DPP6: variants seen among roughly 807,000 people sequenced by gnomAD.
DPP6 encodes dipeptidyl peptidase like 6.
In DPP6, 69 loss-of-function variants were observed where a neutral mutation model predicts 122.6. That is an observed-to-expected ratio of 0.56 (90% CI 0.46 to 0.69). DPP6 has a LOEUF of 0.69. Among genes scored for constraint, DPP6 ranks in the 30% least tolerant of loss-of-function variants. The pLI is 0.00. For missense variants in DPP6, 928 were observed against 1,116.9 expected, an observed-to-expected ratio of 0.83 and a Z score of 2.41; for synonymous variants, 418 against 433.1, an observed-to-expected ratio of 0.97 and a Z score of 0.43.
intron 1 of DPP6, among the ~76,000 whole-genome samples, chr7:154,268,467 A>C (rs902011074): frequency 6.6e-6 from 1 of 152,142 alleles, no homozygotes; most frequent in African/African-American, 2.4e-5. Flanking sequence ...TCCCTCTGGG[A>C]TTTCCTTTAT....
chr7:154,769,718 G>T, intron 9 of DPP6, 147 bp downstream of exon 9: 1 of 1,165,866 alleles, frequency 8.6e-7, no homozygotes, highest in Non-Finnish European at 1.1e-6. Flanking sequence ...TCATTACATT[G>T]CATTACATTC....
chr7:153,804,075 A>G, the DPP6 span, among the ~76,000 whole-genome samples: 1 of 147,368 alleles, frequency 6.8e-6, no homozygotes, highest in Non-Finnish European at 1.5e-5. Flanking sequence ...TTTGAGACTG[A>G]GTCTTACTCT....
chr7:154,864,135 G>T (rs1803656906), intron 17 of DPP6, among the ~76,000 whole-genome samples: 1 of 152,204 alleles, frequency 6.6e-6, no homozygotes, highest in South Asian at 2.1e-4. Context: ...TTCTGCCTAA[G>T]CCTCTGCGTG....
intron 1 of DPP6, among the ~76,000 whole-genome samples, chr7:154,250,290 G>A (rs112942393): frequency 2.0e-5 from 3 of 152,074 alleles, no homozygotes; most frequent in African/African-American, 2.4e-5. Context: ...TCTGTGGCTC[G>A]TCCTGCTACA....
At chr7:154,779,681 T>C (rs958071728) in intron 10 of DPP6, among the ~76,000 whole-genome samples, 1 of 152,190 alleles carries the variant, frequency 6.6e-6, no homozygotes, top group Non-Finnish European at 1.5e-5. Context: ...TTCTTCCTGC[T>C]TTCCTCCCTC....
At chr7:154,455,113 C>T (rs1158596437) in intron 2 of DPP6, among the ~76,000 whole-genome samples, 2 of 152,192 alleles carry the variant, frequency 1.3e-5, no homozygotes, top group Non-Finnish European at 2.9e-5. Flanking sequence ...GTGACGGCTT[C>T]ATGCTTCACT....
intron 7 of DPP6, among the ~76,000 whole-genome samples, chr7:154,715,656 C>A (rs1841442721): frequency 6.6e-6 from 1 of 152,188 alleles, no homozygotes; most frequent in Non-Finnish European, 1.5e-5. Context: ...CCTCATCCAC[C>A]CACCTGATGA....
At chr7:154,545,466 CCCTCCCTT>C (rs1218680245) in intron 4 of DPP6, among the ~76,000 whole-genome samples, 3 of 137,512 alleles carry the variant, frequency 2.2e-5, no homozygotes, top group African/African-American at 5.4e-5. Context: ...CTCCCTCCCT[CCCTCCCTT>C]CCTTCCTTCC....
rs148378156 is a variant in DPP6, at chr7:154,343,649, C to T, written c.244-102565C>T. ...TGGCTGGAGTGCAATGGTGCGATCT[C>T]GGCTCACTGCACCCTCTGCCTCCTG... On this transcript the variant is annotated intron_variant, in intron 1 of 25. Transcript: ENST00000377770. 6.8e-3 allele frequency among the ~76,000 whole-genome samples: 1,042 copies of T among 152,330 alleles called. 8 individuals are homozygous for T. The highest frequency in any genetic ancestry group is 0.024 in the African/African-American group (978 of 41,570).
rs1833657442 is a variant in DPP6, at chr7:154,607,991, T to C, written c.628-29830T>C. On this transcript the variant is annotated intron_variant, in intron 5 of 25. Coordinates refer to ENST00000377770, the MANE Select transcript of DPP6 (RefSeq NM_130797.4). ...TAGTTTTTTCTTTTTTTTTTCTTTT[T>C]TTTTTTGAGACAGAGTCTCGCTCTG... is the stretch of plus-strand genomic sequence containing the variant. Among the ~76,000 whole-genome samples the C allele has an allele frequency of 3.7e-5, 4 of 108,576 alleles. 2 individuals carry two copies. In the South Asian group the frequency reaches 1.6e-3, roughly 43 times the overall value. 71.2% of individuals were successfully genotyped at this position (108,576 alleles called of 152,430 possible). A position where few individuals can be genotyped will look rare whatever the true frequency, so the allele number is the denominator to read the frequency against.
chr7:153,837,868 A>C, the DPP6 span, among the ~76,000 whole-genome samples: 4 of 66,632 alleles, frequency 6.0e-5, no homozygotes, highest in African/African-American at 2.1e-4. Flanking sequence ...TTTTTAGTAG[A>C]GATGGGGTTT....
chr7:154,879,356 G>A lies in DPP6; in HGVS notation c.2079-1532G>A, dbSNP rs1396400181. On this transcript the variant is annotated intron_variant, in intron 20 of 25. Transcript: ENST00000377770. ...AGCACTTTGGGAGGCCGAGGCGGGC[G>A]GATCACGAGGTCAGGAGATCGAGAC... Among the ~76,000 whole-genome samples, 7 of 136,550 alleles carry A rather than the reference G, an allele frequency of 5.1e-5. 2 individuals are homozygous for A. Among genetic ancestry groups the A allele is most frequent in the East Asian group, 3.3e-4 (1 of 3,066 alleles). 89.6% of individuals were successfully genotyped at this position (136,550 alleles called of 152,430 possible). A position where few individuals can be genotyped will look rare whatever the true frequency, so the allele number is the denominator to read the frequency against.
chr7:154,012,165 A>C (rs150614861), intron 1 of DPP6, among the ~76,000 whole-genome samples: 2 of 152,144 alleles, frequency 1.3e-5, no homozygotes, highest in Non-Finnish European at 2.9e-5. Flanking sequence ...CACATATTCA[A>C]TTTCTTTGTT....
intron 7 of DPP6, among the ~76,000 whole-genome samples, chr7:154,701,467 G>A (rs2131266086): frequency 6.6e-6 from 1 of 152,306 alleles, no homozygotes; most frequent in East Asian, 1.9e-4. Context: ...CTTATCCATA[G>A]GCATTTTAAT....
intron 1 of DPP6, among the ~76,000 whole-genome samples, chr7:154,090,544 T>G (rs1413052359): frequency 6.6e-6 from 1 of 152,142 alleles, no homozygotes; most frequent in Non-Finnish European, 1.5e-5. Context: ...ACAGACCCCT[T>G]GTGTATCAAA....
intron 5 of DPP6, among the ~76,000 whole-genome samples, chr7:154,576,225 C>T (rs1045311293): frequency 3.9e-5 from 6 of 152,090 alleles, no homozygotes; most frequent in African/African-American, 1.4e-4. Flanking sequence ...GATCTTTTGA[C>T]GGGTAAATCA....
At chr7:154,715,055 T>TTATCG (rs1280108720) in intron 7 of DPP6, among the ~76,000 whole-genome samples, 3 of 151,852 alleles carry the variant, frequency 2.0e-5, no homozygotes, top group Non-Finnish European at 4.4e-5. Context: ...TTATTTTATC[T>TTATCG]TATCTTATTT....
intron 22 of DPP6, among the ~76,000 whole-genome samples, chr7:154,887,422 G>A (rs1806242939): frequency 1.3e-5 from 2 of 152,212 alleles, no homozygotes; most frequent in African/African-American, 4.8e-5. Flanking sequence ...AAGGTTCTGC[G>A]ATGCTGATGA....
intron 1 of DPP6, among the ~76,000 whole-genome samples, chr7:153,952,588 A>G (rs774542354): frequency 3.4e-4 from 52 of 152,238 alleles, no homozygotes; most frequent in Non-Finnish European, 5.9e-5. Flanking sequence ...CCATCCCCAC[A>G]TGGGGTGAAA....
Sources: gnomAD v4.1 joint callset for allele counts (sites outside exome capture counted in the v4.1 genomes callset) on GRCh38, gnomAD v4.1.1 for gene constraint, MANE v1.5 for transcripts, NCBI Gene and HGNC (gene_info 2026-07-23, HGNC 2026-07-21) for gene names.